CADM1: variants seen among roughly 807,000 people sequenced by gnomAD.
The protein encoded by CADM1 is cell adhesion molecule 1, also known as TSLC-1.
Under a neutral mutation model 53.1 loss-of-function variants are expected in CADM1, and 15 were observed. That is an observed-to-expected ratio of 0.28 (90% CI 0.19 to 0.44). The LOEUF (loss-of-function observed/expected upper bound fraction) is 0.44, where lower values mean the gene tolerates loss of function less well. Among genes scored for constraint, CADM1 ranks in the 20% least tolerant of loss-of-function variants. CADM1 has a pLI of 1.00. For synonymous variants in CADM1, 281 were observed against 243.0 expected (o/e 1.16, Z -1.45); for missense variants, 434 against 611.3 (o/e 0.71, Z 3.06).
rs550483581 is a variant in CADM1, at chr11:115,255,377, G to C, written c.125-14957C>G. Among the ~76,000 whole-genome samples the C allele has an allele frequency of 2.0e-5, 3 of 152,266 alleles. No individual in the cohort carries two copies. In the South Asian group the frequency reaches 6.2e-4, roughly 32 times the overall value. On this transcript the variant is annotated intron_variant, in intron 1 of 11. Transcript: ENST00000331581. ...CCTCAGAGCTTTGCTATGCAGTGTT[G>C]TTGACCAGCAGTCTTGACAATCCCT...
chr11:115,301,378 C>T (rs2135136050), intron 1 of CADM1, among the ~76,000 whole-genome samples: 1 of 152,154 alleles, frequency 6.6e-6, no homozygotes, highest in Non-Finnish European at 1.5e-5. Context: ...GTTTGAAGAG[C>T]AGAGCACTAA....
intron 1 of CADM1, among the ~76,000 whole-genome samples, chr11:115,485,800 T>C (rs180925748): frequency 2.6e-5 from 4 of 152,302 alleles, no homozygotes; most frequent in African/African-American, 7.2e-5. Flanking sequence ...CTAAGACACA[T>C]CTCTTTGCAG....
intron 7 of CADM1, 127 bp from the exon 8 acceptor site, chr11:115,209,784 T>C: frequency 9.0e-7 from 1 of 1,114,010 alleles, no homozygotes; most frequent in Non-Finnish European, 1.3e-6. Context: ...AAACCAAAAG[T>C]TCTTTCCCTG....
chr11:115,219,923 A>C (rs542746225), intron 5 of CADM1, among the ~76,000 whole-genome samples: 4 of 152,320 alleles, frequency 2.6e-5, no homozygotes, highest in Admixed American at 6.5e-5. Flanking sequence ...CTCACAGTTC[A>C]TACCCAGAAA....
chr11:115,298,280 G>A (rs116945010), intron 1 of CADM1, among the ~76,000 whole-genome samples: 151 of 152,216 alleles, frequency 9.9e-4, no homozygotes, highest in Non-Finnish European at 1.8e-3. Flanking sequence ...TTTTAGGAAC[G>A]TAAATAAGAT....
chr11:115,456,990 C>T (rs1352890740), intron 1 of CADM1, among the ~76,000 whole-genome samples: 1 of 152,080 alleles, frequency 6.6e-6, no homozygotes, highest in Non-Finnish European at 1.5e-5. Context: ...TCTGTCTTAT[C>T]CACCTGTTAA....
chr11:115,211,655 T>TTA (rs899929649), intron 7 of CADM1, among the ~76,000 whole-genome samples: 1 of 68,762 alleles, frequency 1.5e-5, no homozygotes, highest in Non-Finnish European at 3.4e-5. Context: ...AATTTTTGTA[T>TTA]TTTTTTTTTT....
chr11:115,465,438 T>A (rs890325103), intron 1 of CADM1, among the ~76,000 whole-genome samples: 1 of 152,172 alleles, frequency 6.6e-6, no homozygotes, highest in Non-Finnish European at 1.5e-5. Flanking sequence ...GTCTAGTTAA[T>A]GTCTTGGCAT....
intron 1 of CADM1, among the ~76,000 whole-genome samples, chr11:115,384,788 G>A (rs1175768908): frequency 6.6e-6 from 1 of 152,074 alleles, no homozygotes; most frequent in East Asian, 1.9e-4. Flanking sequence ...TAGTGGAAAG[G>A]GGTTAATGGA....
Position 115,289,237 on chromosome 11 carries a change from C to T in CADM1, c.125-48817G>A, listed in dbSNP as rs565300059. On this transcript the variant is annotated intron_variant, in intron 1 of 11. Transcript: ENST00000331581. ...AAAATTAGCCGGGTGTGGTGGTGGG[C>T]GCCTGTAATCCCAGCTACTAGGGAG... Among the ~76,000 whole-genome samples, 33 of 151,860 alleles carry T rather than the reference C, an allele frequency of 2.2e-4. No individual in the cohort carries two copies. The East Asian group carries it at 5.5e-3, about 25-fold the overall frequency.
intron 1 of CADM1, among the ~76,000 whole-genome samples, chr11:115,334,371 A>G (rs1945208345): frequency 6.6e-6 from 1 of 152,050 alleles, no homozygotes. Context: ...ACAAGTGATG[A>G]TACAGTAGTC....
intron 1 of CADM1, among the ~76,000 whole-genome samples, chr11:115,485,338 A>AGG (rs1949350557): frequency 6.6e-6 from 1 of 152,320 alleles, no homozygotes; most frequent in South Asian, 2.1e-4. Flanking sequence ...TGTCTTCAGC[A>AGG]CCTAATACAA....
intron 9 of CADM1, among the ~76,000 whole-genome samples, chr11:115,198,004 T>C (rs997327248): frequency 1.3e-5 from 2 of 152,222 alleles, no homozygotes; most frequent in East Asian, 3.8e-4. Flanking sequence ...ATGACTCCTC[T>C]TCAAGATTTA....
Position 115,352,525 on chromosome 11 carries a change from G to A in CADM1, c.125-112105C>T, listed in dbSNP as rs183937679. On this transcript the variant is annotated intron_variant, in intron 1 of 11. Coordinates refer to ENST00000331581, the MANE Select transcript of CADM1 (RefSeq NM_001301043.2). The stretch of plus-strand genomic sequence containing the variant: ...ATAGAGGAAATATTTTCTTTTCCCA[G>A]AAGCCAGCTAAGAGCTCATCTCCAG... Among the ~76,000 whole-genome samples the A allele has an allele frequency of 1.3e-3, 195 of 152,286 alleles. 1 individual carries two copies. The Middle Eastern group carries it at 0.014, about 11-fold the overall frequency.
At chr11:115,206,621 T>C (rs190991171) in intron 8 of CADM1, among the ~76,000 whole-genome samples, 27 of 152,202 alleles carry the variant, frequency 1.8e-4, no homozygotes. Flanking sequence ...AAATCAGAAA[T>C]CAACTATGAC....
chr11:115,291,039 G>T (rs1489966269), intron 1 of CADM1, among the ~76,000 whole-genome samples: 2 of 152,114 alleles, frequency 1.3e-5, no homozygotes. Context: ...TCAAGATAGC[G>T]TAGTGCCCAA....
chr11:115,250,932 T>C (rs1367228212), intron 1 of CADM1, among the ~76,000 whole-genome samples: 1 of 152,206 alleles, frequency 6.6e-6, no homozygotes, highest in Non-Finnish European at 1.5e-5. Context: ...GAAAGGACAA[T>C]AAGCTTTACG....
intron 1 of CADM1, among the ~76,000 whole-genome samples, chr11:115,419,446 C>T (rs1947698949): frequency 6.6e-6 from 1 of 152,198 alleles, no homozygotes; most frequent in Admixed American, 6.6e-5. Flanking sequence ...GATGCCCCTC[C>T]CCTGCCTTTA....
chr11:115,192,380 G>A (rs1235709750), intron 9 of CADM1, among the ~76,000 whole-genome samples: 1 of 152,190 alleles, frequency 6.6e-6, no homozygotes, highest in East Asian at 1.9e-4. Flanking sequence ...GGCAACTAAA[G>A]GGAAAGCAGT....
Sources: gnomAD v4.1 joint callset for allele counts (sites outside exome capture counted in the v4.1 genomes callset) on GRCh38, gnomAD v4.1.1 for gene constraint, MANE v1.5 for transcripts, NCBI Gene and HGNC (gene_info 2026-07-23, HGNC 2026-07-21) for gene names.